Variants in STX17 observed in about 807,000 individuals in gnomAD.
The protein encoded by STX17 is syntaxin-17.
Under a neutral mutation model 35.9 loss-of-function variants are expected in STX17, and 29 were observed. The observed-to-expected ratio is 0.81, with a 90% CI of 0.60 to 1.10. STX17 has a LOEUF of 1.10. Ranked by LOEUF, STX17 falls within the 50% of genes least tolerant of loss-of-function variation. The pLI is 0.00. For missense variants in STX17, 312 were observed against 352.3 expected, an observed-to-expected ratio of 0.89 and a Z score of 0.92; for synonymous variants, 92 against 118.3, an observed-to-expected ratio of 0.78 and a Z score of 1.44.
chr9:99,938,590 G>C (rs575543336), intron 3 of STX17, among the ~76,000 whole-genome samples: 2 of 152,238 alleles, frequency 1.3e-5, no homozygotes, highest in Non-Finnish European at 2.9e-5. Context: ...TTCAATACCA[G>C]CTTGGGCAAC....
At chr9:99,961,085 A>T (rs1040854822) in intron 6 of STX17, among the ~76,000 whole-genome samples, 1 of 152,184 alleles carries the variant, frequency 6.6e-6, no homozygotes, top group Non-Finnish European at 1.5e-5. Flanking sequence ...AGCATAAGGT[A>T]CCATGGGCAA....
intron 3 of STX17, among the ~76,000 whole-genome samples, chr9:99,939,482 TA>T (rs1171775612): frequency 6.6e-6 from 1 of 152,160 alleles, no homozygotes; most frequent in Non-Finnish European, 1.5e-5. Context: ...TGTATACCTC[TA>T]AGAAAGAAAA....
intron 3 of STX17, 169 bp downstream of exon 3, chr9:99,929,012 CAA>C (rs1829051887): frequency 1.8e-6 from 1 of 549,724 alleles, no homozygotes; most frequent in Non-Finnish European, 3.1e-6. Flanking sequence ...TACATATTTT[CAA>C]AGTTTTGTTT....
chr9:99,926,353 T>G (rs1261719515), intron 2 of STX17, among the ~76,000 whole-genome samples: 1 of 152,208 alleles, frequency 6.6e-6, no homozygotes, highest in African/African-American at 2.4e-5. Context: ...GTTATTCTGC[T>G]TTTTTGCATG....
rs973624370 is a variant in STX17 at position 99,971,708 on chromosome 9, C to A, written c.*3035C>A. Among the ~76,000 whole-genome samples the A allele has an allele frequency of 1.3e-5, 2 of 152,182 alleles. No individual in the cohort carries two copies. The highest frequency in any genetic ancestry group is 2.9e-5 in the Non-Finnish European group (2 of 68,030). On this transcript the variant is annotated 3_prime_UTR_variant, in exon 8 of 8. Transcript: ENST00000259400. ...TACAAAAACTTTTATGTCTCTCAGA[C>A]TATACAGCCTCTATACAAAATTGAG...
chr9:99,938,599 A>G (rs755551074), intron 3 of STX17, among the ~76,000 whole-genome samples: 19 of 152,184 alleles, frequency 1.2e-4, no homozygotes, highest in Non-Finnish European at 2.4e-4. Flanking sequence ...AGCTTGGGCA[A>G]CATGGTGAAA....
intron 3 of STX17, among the ~76,000 whole-genome samples, chr9:99,941,402 G>C (rs1194613765): frequency 6.6e-6 from 1 of 152,098 alleles, no homozygotes; most frequent in Non-Finnish European, 1.5e-5. Flanking sequence ...CCTCGTTTCT[G>C]TCCTAAGGTT....
At chr9:99,916,057 A>G (rs886491490) in intron 2 of STX17, 1 of 455,840 alleles carries the variant, frequency 2.2e-6, no homozygotes, top group African/African-American at 2.0e-5. Context: ...AGGTATACAT[A>G]CATTAAAGAA....
At chr9:99,920,984 G>T (rs1048671736) in intron 2 of STX17, among the ~76,000 whole-genome samples, 3 of 152,162 alleles carry the variant, frequency 2.0e-5, no homozygotes, top group Non-Finnish European at 4.4e-5. Flanking sequence ...AATAATAACA[G>T]TGGAGGTAGT....
At chr9:99,913,561 T>G (rs1000523361) in intron 1 of STX17, among the ~76,000 whole-genome samples, 3 of 152,138 alleles carry the variant, frequency 2.0e-5, no homozygotes, top group African/African-American at 7.2e-5. Flanking sequence ...TGGAATAGAA[T>G]GTTTTTGGAT....
intron 3 of STX17, among the ~76,000 whole-genome samples, chr9:99,944,326 T>C (rs1273230910): frequency 3.3e-5 from 5 of 152,036 alleles, no homozygotes; most frequent in Non-Finnish European, 2.9e-5. Flanking sequence ...TTTATTATTT[T>C]CTCCTTTCTA....
intron 1 of STX17, among the ~76,000 whole-genome samples, chr9:99,908,085 A>T (rs1828586489): frequency 6.6e-6 from 1 of 152,206 alleles, no homozygotes. Flanking sequence ...AAGGTTATAC[A>T]TTTTTGTTAA....
At position 99,972,178 on chromosome 9, in the gene STX17, C is replaced by T. The variant is rs1332350729; in HGVS notation, c.*3505C>T. Among the ~76,000 whole-genome samples, 1 of 152,116 alleles carries T rather than the reference C, an allele frequency of 6.6e-6. No homozygotes were observed. The highest frequency in any genetic ancestry group is 1.9e-4 in the East Asian group (1 of 5,196). On this transcript the variant is annotated 3_prime_UTR_variant, in exon 8 of 8. Coordinates refer to ENST00000259400, the MANE Select transcript of STX17 (RefSeq NM_017919.3). Reference sequence around the variant, plus strand: ...CAATTTGGCCCTTAAACTATAAAATCAAGAAAGAGTATTTCAATCCCATCC... The same window carrying T: ...CAATTTGGCCCTTAAACTATAAAATTAAGAAAGAGTATTTCAATCCCATCC...
chr9:99,943,593 G>GC (rs1829413960), intron 3 of STX17, among the ~76,000 whole-genome samples: 1 of 152,216 alleles, frequency 6.6e-6, no homozygotes, highest in Non-Finnish European at 1.5e-5. Flanking sequence ...ACAGGCGTGA[G>GC]CCACTGCACC....
At chr9:99,945,693 A>T in intron 3 of STX17, 2 of 370,662 alleles carry the variant, frequency 5.4e-6, no homozygotes, top group Admixed American at 3.4e-5. Context: ...TGTTTTTTTT[A>T]ATTTATCTAA....
chr9:99,928,630 G>C, intron 2 of STX17, 148 bp from the exon 3 acceptor site: 1 of 505,492 alleles, frequency 2.0e-6, no homozygotes, highest in Non-Finnish European at 3.5e-6. Flanking sequence ...ACTTGTATGT[G>C]TTTGGAAAGT....
intron 6 of STX17, 90 bp from the exon 7 acceptor site, chr9:99,967,563 A>C: frequency 3.9e-6 from 4 of 1,025,816 alleles, no homozygotes; most frequent in Non-Finnish European, 5.9e-6. Flanking sequence ...TGCAGTACCC[A>C]GGGCCCTGAT....
At position 99,973,143 on chromosome 9, in the gene STX17, A is replaced by G. The variant is rs1309897116; in HGVS notation, c.*4470A>G. ...TAAACCATCAATGTAAAGGATCCAC[A>G]TGGTATGTATCCACATTGCTACTCT... On this transcript the variant is annotated 3_prime_UTR_variant, in exon 8 of 8. Transcript: ENST00000259400. Among the ~76,000 whole-genome samples, 5 of 152,124 alleles carry G rather than the reference A, an allele frequency of 3.3e-5. No homozygotes were observed. The highest frequency in any genetic ancestry group is 5.9e-5 in the Non-Finnish European group (4 of 68,010).
In STX17 at chr9:99,960,170, G is replaced by C. The variant is rs1403437034; in HGVS notation, c.582+15G>C. 1 of 1,610,864 alleles carries C rather than the reference G, an allele frequency of 6.2e-7. No individual in the cohort carries two copies. Among genetic ancestry groups the C allele is most frequent in the Non-Finnish European group, 8.5e-7 (1 of 1,178,512 alleles). On this transcript the variant is annotated intron_variant, in intron 6 of 7. Coordinates refer to ENST00000259400, the MANE Select transcript of STX17 (RefSeq NM_017919.3). The stretch of plus-strand genomic sequence containing the variant: ...TCCTAGTGAATGTAAGTATATAACT[G>C]TTTTGGATGCAGAATTGTTGGATTA...
Sources: gnomAD v4.1 joint callset for allele counts (sites outside exome capture counted in the v4.1 genomes callset) on GRCh38, gnomAD v4.1.1 for gene constraint, MANE v1.5 for transcripts, NCBI Gene and HGNC (gene_info 2026-07-23, HGNC 2026-07-21) for gene names.